BCAS3: variants seen among roughly 807,000 people sequenced by gnomAD.
BCAS3 encodes the protein BCAS4/BCAS3 fusion.
BCAS3 carries 53 observed loss-of-function variants against 116.1 expected under a neutral mutation model. The ratio of observed to expected loss-of-function variants is 0.46; its 90% confidence interval spans 0.37 to 0.57. BCAS3 has a LOEUF of 0.57. Ranked by LOEUF, BCAS3 falls within the 20% of genes least tolerant of loss-of-function variation. The probability of loss-of-function intolerance (pLI) is 0.00; values close to 1 mark genes in which losing one functional copy is unlikely to be tolerated. For missense variants in BCAS3, 917 were observed against 1,165.4 expected (o/e 0.79, Z 3.10); for synonymous variants, 391 against 408.2 (o/e 0.96, Z 0.51).
chr17:61,295,647 G>A (rs1282039495), intron 22 of BCAS3, among the ~76,000 whole-genome samples: 1 of 152,074 alleles, frequency 6.6e-6, no homozygotes, highest in East Asian at 1.9e-4. Context: ...GTCCATGGTT[G>A]CCGTTTGAAA....
rs115583212 is a variant in BCAS3, at chr17:61,297,606, A to G, written c.2426-70721A>G. Among the ~76,000 whole-genome samples, 475 of 152,296 alleles carry G rather than the reference A, an allele frequency of 3.1e-3. 3 individuals carry two copies. The highest frequency in any genetic ancestry group is 0.011 in the African/African-American group (440 of 41,570). On this transcript the variant is annotated intron_variant, in intron 22 of 23. Transcript: ENST00000407086. ...CCCCTGTGGAAATAAGCAAAGGGGC[A>G]AAACTGCAGAGAAAGCCAAGCCCAG...
intron 3 of BCAS3, among the ~76,000 whole-genome samples, chr17:60,684,425 A>G (rs935149386): frequency 1.3e-5 from 2 of 152,204 alleles, no homozygotes; most frequent in Admixed American, 1.3e-4. Flanking sequence ...ACACAAATCT[A>G]CATCTCTTTT....
At chr17:60,814,269 T>TTG (rs67077498) in intron 7 of BCAS3, among the ~76,000 whole-genome samples, 8,198 of 134,814 alleles carry the variant, frequency 0.061, 293 homozygotes, top group Non-Finnish European at 0.081. Flanking sequence ...TCTTGGTATT[T>TTG]TGTGTGTGTG....
rs1300975564 is a variant in BCAS3 at position 61,259,074 on chromosome 17, G to T, written c.2426-109253G>T. 6.6e-6 allele frequency among the ~76,000 whole-genome samples: 1 copy of T among 152,186 alleles called. No homozygotes were observed. The highest frequency in any genetic ancestry group is 1.5e-5 in the Non-Finnish European group (1 of 68,028). ...GAAGTAAACTTGTTATTCTCTATTGGATGCTAAAGAAGCTTTTCACTGTCT... is the reference window on the plus strand; with the variant it reads ...GAAGTAAACTTGTTATTCTCTATTGTATGCTAAAGAAGCTTTTCACTGTCT... On this transcript the variant is annotated intron_variant, in intron 22 of 23. Coordinates refer to ENST00000407086, the MANE Select transcript of BCAS3 (RefSeq NM_017679.5). The surrounding 1 kb of genome is among the most constrained non-coding windows in gnomAD (Gnocchi z 4.7).
chr17:60,991,314 C>A (rs918282648), intron 15 of BCAS3, among the ~76,000 whole-genome samples: 2 of 152,058 alleles, frequency 1.3e-5, no homozygotes, highest in Non-Finnish European at 2.9e-5. Flanking sequence ...TCATTTATTC[C>A]ATTGTACTTC....
rs910124220 is a variant in BCAS3, at chr17:61,285,718, C to T, written c.2426-82609C>T. On this transcript the variant is annotated intron_variant, in intron 22 of 23. Coordinates refer to ENST00000407086, the MANE Select transcript of BCAS3 (RefSeq NM_017679.5). The surrounding 1 kb of genome is among the most constrained non-coding windows in gnomAD (Gnocchi z 5.4). The stretch of plus-strand genomic sequence containing the variant: ...TACTAACTGAAGTACTGTGGGTGGC[C>T]GATAAGGCTTGTTTATCCAGGAGAC... Among the ~76,000 whole-genome samples, 3 of 152,218 alleles carry T rather than the reference C, an allele frequency of 2.0e-5. No homozygotes were observed. Among genetic ancestry groups the T allele is most frequent in the African/African-American group, 4.8e-5 (2 of 41,544 alleles).
rs534082873 is a variant in BCAS3 at position 61,230,269 on chromosome 17, G to C, written c.2426-138058G>C. On this transcript the variant is annotated intron_variant, in intron 22 of 23. Transcript: ENST00000407086. ...TTTTCATAAAATTTTAAGCAAAACA[G>C]CTCTCCGTGGTCCACCATTATGTAC... 2.0e-5 allele frequency among the ~76,000 whole-genome samples: 3 copies of C among 152,108 alleles called. No homozygotes were observed. The East Asian group carries it at 5.8e-4, about 29-fold the overall frequency.
At chr17:61,175,918 T>A (rs1375317887) in intron 22 of BCAS3, among the ~76,000 whole-genome samples, 1 of 152,046 alleles carries the variant, frequency 6.6e-6, no homozygotes, top group East Asian at 1.9e-4. Flanking sequence ...GAAGGGTTGC[T>A]TGAGTCTAGG....
At chr17:60,795,568 TTTA>T (rs1204708256) in intron 6 of BCAS3, among the ~76,000 whole-genome samples, 1 of 152,282 alleles carries the variant, frequency 6.6e-6, no homozygotes, top group Middle Eastern at 3.4e-3. Context: ...ATGGTTGGCT[TTTA>T]TTACATTAAG....
chr17:60,912,446 T>G (rs1044908427), intron 12 of BCAS3, among the ~76,000 whole-genome samples: 1 of 152,096 alleles, frequency 6.6e-6, no homozygotes, highest in Admixed American at 6.5e-5. Context: ...ATAGTAAGAT[T>G]AACAGCGTTT....
In BCAS3 at chr17:60,956,017, A is replaced by G. The variant is rs2061113902; in HGVS notation, c.1221+8665A>G. ...ACTGTGCAGTTACTCTTTTGTACTTATAAAAATTTACAAGGTTTTTGGGGC... is the reference window on the plus strand; with the variant it reads ...ACTGTGCAGTTACTCTTTTGTACTTGTAAAAATTTACAAGGTTTTTGGGGC... On this transcript the variant is annotated intron_variant, in intron 14 of 23. Transcript: ENST00000407086. The surrounding 1 kb of genome is among the most constrained non-coding windows in gnomAD (Gnocchi z 4.2). Among the ~76,000 whole-genome samples the G allele has an allele frequency of 6.6e-6, 1 of 152,222 alleles. No homozygotes were observed.
At chr17:60,827,560 TTG>T (rs2050542343) in intron 7 of BCAS3, among the ~76,000 whole-genome samples, 1 of 152,216 alleles carries the variant, frequency 6.6e-6, no homozygotes, top group South Asian at 2.1e-4. Flanking sequence ...GTGTGTATTT[TTG>T]TGTGTGTCTT....
intron 13 of BCAS3, among the ~76,000 whole-genome samples, chr17:60,936,372 CT>C (rs1482581748): frequency 3.3e-5 from 5 of 151,826 alleles, no homozygotes; most frequent in Non-Finnish European, 7.4e-5. Flanking sequence ...GGGTATATAC[CT>C]AGTAATGGGA....
intron 7 of BCAS3, among the ~76,000 whole-genome samples, chr17:60,815,059 G>T (rs1017838796): frequency 4.6e-5 from 7 of 152,114 alleles, no homozygotes; most frequent in Non-Finnish European, 8.8e-5. Flanking sequence ...GTCCATCAAT[G>T]ATAGACTGGA....
At chr17:60,942,756 G>A (rs970380787) in intron 13 of BCAS3, among the ~76,000 whole-genome samples, 1 of 152,006 alleles carries the variant, frequency 6.6e-6, no homozygotes, top group Non-Finnish European at 1.5e-5. Context: ...TGACTATCTT[G>A]TCTTCCCACA....
At chr17:61,060,178 G>A (rs929879943) in intron 19 of BCAS3, among the ~76,000 whole-genome samples, 1 of 151,776 alleles carries the variant, frequency 6.6e-6, no homozygotes, top group African/African-American at 2.4e-5. Context: ...CCAGGCTGGA[G>A]TGCAGTGGCG....
In BCAS3 at chr17:61,151,759, A is replaced by G. The variant is rs941068174; in HGVS notation, c.2425+67195A>G. Among the ~76,000 whole-genome samples, 1 of 152,198 alleles carries G rather than the reference A, an allele frequency of 6.6e-6. No individual in the cohort carries two copies. The highest frequency in any genetic ancestry group is 1.5e-5 in the Non-Finnish European group (1 of 68,034). ...AAGCATGAGCCACTGCACCTGGCCA[A>G]CATCTATATTTTGAATGACTGTTGT... On this transcript the variant is annotated intron_variant, in intron 22 of 23. Coordinates refer to ENST00000407086, the MANE Select transcript of BCAS3 (RefSeq NM_017679.5). This position sits in a 1 kb window ranked among gnomAD's most constrained non-coding sequence, Gnocchi z 4.8.
intron 12 of BCAS3, among the ~76,000 whole-genome samples, chr17:60,918,339 G>T (rs1303298600): frequency 6.6e-6 from 1 of 151,962 alleles, no homozygotes; most frequent in Non-Finnish European, 1.5e-5. Flanking sequence ...CAAATTTTTG[G>T]GGTACATGTG....
intron 22 of BCAS3, among the ~76,000 whole-genome samples, chr17:61,267,906 G>C (rs1455979814): frequency 6.6e-6 from 1 of 151,738 alleles, no homozygotes; most frequent in Admixed American, 6.6e-5. Flanking sequence ...GTCCTATATA[G>C]GTCTTCGTGT....
Sources: allele counts gnomAD v4.1 joint callset (sites outside exome capture counted in the v4.1 genomes callset), GRCh38; gene constraint gnomAD v4.1.1; non-coding constraint Gnocchi (gnomAD v3.1); transcripts MANE v1.5; gene names NCBI Gene and HGNC (gene_info 2026-07-23, HGNC 2026-07-21).